Variants in DSCAM observed in about 807,000 individuals in gnomAD.
DSCAM encodes cell adhesion molecule DSCAM.
In DSCAM, 47 loss-of-function variants were observed where a neutral mutation model predicts 217.7. The observed-to-expected ratio is 0.22, with a 90% confidence interval of 0.17 to 0.28. The LOEUF is 0.28. Among genes scored for constraint, DSCAM ranks in the 10% least tolerant of loss-of-function variants. The pLI, the probability that DSCAM is intolerant of heterozygous loss-of-function variation, is 1.00. For synonymous variants in DSCAM, 1,056 were observed against 1,015.3 expected, an observed-to-expected ratio of 1.04 and a Z score of -0.76; for missense variants, 2,080 against 2,618.3, an observed-to-expected ratio of 0.79 and a Z score of 4.49.
chr21:40,510,959 A>G (rs918403330), intron 3 of DSCAM, among the ~76,000 whole-genome samples: 2 of 152,236 alleles, frequency 1.3e-5, no homozygotes, highest in African/African-American at 4.8e-5. Flanking sequence ...TATTAGAATA[A>G]AAGCAAGAAA....
chr21:40,272,945 C>CATTA (rs2073638803), intron 11 of DSCAM, among the ~76,000 whole-genome samples: 1 of 152,002 alleles, frequency 6.6e-6, no homozygotes, highest in African/African-American at 2.4e-5. Flanking sequence ...AGACATTGGC[C>CATTA]ATTAGAGTTG....
At chr21:40,279,968 G>C (rs1234444281) in intron 10 of DSCAM, among the ~76,000 whole-genome samples, 1 of 151,926 alleles carries the variant, frequency 6.6e-6, no homozygotes, top group Admixed American at 6.6e-5. Flanking sequence ...GTGAGGGGGT[G>C]GGGGCAAGGG....
intron 3 of DSCAM, among the ~76,000 whole-genome samples, chr21:40,452,495 T>C (rs1400983319): frequency 6.6e-6 from 1 of 152,084 alleles, no homozygotes; most frequent in South Asian, 2.1e-4. Context: ...CATTTTTCAA[T>C]TGAAAGTTTA....
At chr21:40,777,149 G>A (rs936125125) in intron 1 of DSCAM, among the ~76,000 whole-genome samples, 5 of 152,056 alleles carry the variant, frequency 3.3e-5, no homozygotes, top group Non-Finnish European at 7.4e-5. Context: ...CATAGTTGGC[G>A]CCTTCATGCT....
intron 8 of DSCAM, among the ~76,000 whole-genome samples, chr21:40,321,917 A>G (rs186531587): frequency 1.3e-5 from 2 of 151,998 alleles, no homozygotes; most frequent in African/African-American, 4.8e-5. Context: ...TAATGGCAAA[A>G]CTACACTCAA....
At chr21:40,682,160 G>T (rs1182043404) in intron 3 of DSCAM, among the ~76,000 whole-genome samples, 1 of 149,604 alleles carries the variant, frequency 6.7e-6, no homozygotes. Context: ...GTGGTCATGG[G>T]GAAGGTTTCC....
intron 14 of DSCAM, among the ~76,000 whole-genome samples, chr21:40,180,763 G>A (rs2090790067): frequency 6.6e-6 from 1 of 152,174 alleles, no homozygotes; most frequent in Admixed American, 6.5e-5. Flanking sequence ...CTTCACTGGA[G>A]GCTCTTGTCT....
At chr21:40,083,161 G>T (rs1378987277) in intron 24 of DSCAM, among the ~76,000 whole-genome samples, 1 of 152,326 alleles carries the variant, frequency 6.6e-6, no homozygotes, top group South Asian at 2.1e-4. Flanking sequence ...GGGCGTGGTG[G>T]CTCACGCCTG....
chr21:40,545,418 A>C (rs1211670400), intron 3 of DSCAM, among the ~76,000 whole-genome samples: 1 of 152,160 alleles, frequency 6.6e-6, no homozygotes, highest in African/African-American at 2.4e-5. Flanking sequence ...GTAATATCCG[A>C]AATTTTACAT....
chr21:40,119,967 C>A (rs1169427323), intron 20 of DSCAM, among the ~76,000 whole-genome samples: 1 of 152,132 alleles, frequency 6.6e-6, no homozygotes, highest in Non-Finnish European at 1.5e-5. Context: ...TCGCTCTCAG[C>A]CTGACTATGG....
rs950018705 is a variant in DSCAM at position 40,231,511 on chromosome 21, C to CT, written c.2357-42274dup. Among the ~76,000 whole-genome samples, 37 of 148,408 alleles carry CT rather than the reference C, an allele frequency of 2.5e-4. 1 individual carries two copies. The highest frequency in any genetic ancestry group is 9.9e-4 in the East Asian group (5 of 5,034). On this transcript the variant is annotated intron_variant, in intron 11 of 32. Coordinates refer to ENST00000400454, the MANE Select transcript of DSCAM (RefSeq NM_001389.5). ...GTTTTTCCAGGCTTTTCTTTTATTT[C>CT]TTTTTTTTTTAGACAGTGTCTTGCT...
intron 16 of DSCAM, among the ~76,000 whole-genome samples, chr21:40,147,822 GTTTTA>G (rs1387562769): frequency 5.3e-5 from 8 of 152,048 alleles, no homozygotes; most frequent in African/African-American, 1.9e-4. Context: ...TCATATTGAT[GTTTTA>G]TTTTATTTAA....
intron 3 of DSCAM, among the ~76,000 whole-genome samples, chr21:40,460,699 A>C (rs1232589826): frequency 6.6e-6 from 1 of 152,218 alleles, no homozygotes; most frequent in Non-Finnish European, 1.5e-5. Flanking sequence ...TTGCTAAGAA[A>C]TGTGTGAAAA....
chr21:40,789,022 C>T (rs1268128280), intron 1 of DSCAM, among the ~76,000 whole-genome samples: 1 of 151,940 alleles, frequency 6.6e-6, no homozygotes, highest in African/African-American at 2.4e-5. Context: ...CATTGCCTGG[C>T]GCATAGTCGG....
chr21:40,838,239 TGAG>T (rs1453324296), intron 1 of DSCAM, among the ~76,000 whole-genome samples: 1 of 152,250 alleles, frequency 6.6e-6, no homozygotes, highest in Non-Finnish European at 1.5e-5. Context: ...TTCATGCTTA[TGAG>T]AAGAATCAAT....
At chr21:40,838,247 A>G (rs2092072296) in intron 1 of DSCAM, among the ~76,000 whole-genome samples, 1 of 152,252 alleles carries the variant, frequency 6.6e-6, no homozygotes, top group African/African-American at 2.4e-5. Context: ...TATGAGAAGA[A>G]TCAATGCTTT....
At chr21:40,473,835 G>C (rs2075910265) in intron 3 of DSCAM, among the ~76,000 whole-genome samples, 1 of 152,172 alleles carries the variant, frequency 6.6e-6, no homozygotes, top group Non-Finnish European at 1.5e-5. Flanking sequence ...AGGACACAGA[G>C]AGGAGGTGCC....
At chr21:40,465,187 C>T (rs111981200) in intron 3 of DSCAM, among the ~76,000 whole-genome samples, 118 of 152,232 alleles carry the variant, frequency 7.8e-4, no homozygotes, top group African/African-American at 2.6e-3. Context: ...GTCTCTTCAA[C>T]ATCCTTTCTC....
At chr21:40,069,149 C>T (rs2089253252) in intron 27 of DSCAM, among the ~76,000 whole-genome samples, 1 of 151,698 alleles carries the variant, frequency 6.6e-6, no homozygotes, top group Non-Finnish European at 1.5e-5. Flanking sequence ...GCAGTTCATA[C>T]TCAACCATTT....
Sources: gnomAD v4.1 joint callset for allele counts (sites outside exome capture counted in the v4.1 genomes callset) on GRCh38, gnomAD v4.1.1 for gene constraint, MANE v1.5 for transcripts, NCBI Gene and HGNC (gene_info 2026-07-23, HGNC 2026-07-21) for gene names.